The following RAB30 variants were observed in gnomAD, a reference collection of about 807,000 sequenced individuals.
RAB30 encodes the protein RAB30, member RAS oncogene family, also known as ras-related protein Rab-30.
A neutral mutation model predicts 25.1 loss-of-function variants in RAB30; 9 were observed. The observed-to-expected ratio is 0.36, with a 90% CI of 0.22 to 0.63. The LOEUF (loss-of-function observed/expected upper bound fraction) is 0.63, where lower values mean the gene tolerates loss of function less well. Among genes scored for constraint, RAB30 ranks in the 20% least tolerant of loss-of-function variants. RAB30 has a pLI of 0.69. For missense variants in RAB30, 140 were observed against 243.5 expected (o/e 0.58, Z 2.83); for synonymous variants, 77 against 86.4 (o/e 0.89, Z 0.60).
chr11:83,038,504 T>TTA (rs1043856478), intron 1 of RAB30, among the ~76,000 whole-genome samples: 1 of 152,070 alleles, frequency 6.6e-6, no homozygotes, highest in Non-Finnish European at 1.5e-5. Flanking sequence ...GACCAAAGCC[T>TTA]TATGCCTGAT....
chr11:83,009,212 C>A (rs1176714216), intron 1 of RAB30, among the ~76,000 whole-genome samples: 1 of 151,898 alleles, frequency 6.6e-6, no homozygotes, highest in Non-Finnish European at 1.5e-5. Context: ...ATTACAGGCA[C>A]CCGCCACCAT....
chr11:83,028,791 C>T (rs552267575), intron 1 of RAB30, among the ~76,000 whole-genome samples: 1 of 152,332 alleles, frequency 6.6e-6, no homozygotes, highest in Non-Finnish European at 1.5e-5. Flanking sequence ...GAAGCTCCTA[C>T]TTTGGGAGGC....
At chr11:83,064,686 C>G (rs1466922817) in intron 1 of RAB30, among the ~76,000 whole-genome samples, 3 of 152,174 alleles carry the variant, frequency 2.0e-5, no homozygotes, top group African/African-American at 7.2e-5. Flanking sequence ...CCTGAAGCAG[C>G]CCTTGATGTG....
At chr11:83,055,158 A>G (rs1858432614) in intron 1 of RAB30, among the ~76,000 whole-genome samples, 1 of 152,182 alleles carries the variant, frequency 6.6e-6, no homozygotes, top group Non-Finnish European at 1.5e-5. Flanking sequence ...TGTTAATTGG[A>G]GCTATTAATA....
At chr11:83,010,412 T>C (rs1329829344) in intron 1 of RAB30, among the ~76,000 whole-genome samples, 2 of 152,054 alleles carry the variant, frequency 1.3e-5, no homozygotes, top group Non-Finnish European at 2.9e-5. Context: ...GATCACGCCA[T>C]TGCACTCCAG....
At chr11:83,023,478 A>C (rs1224787837) in intron 1 of RAB30, among the ~76,000 whole-genome samples, 1 of 152,140 alleles carries the variant, frequency 6.6e-6, no homozygotes, top group Non-Finnish European at 1.5e-5. Context: ...TACCTGCTGA[A>C]TATTTATCAA....
At position 82,974,411 on chromosome 11, in the gene RAB30, G is replaced by C. The variant is rs564498081; in HGVS notation, c.*7754C>G. The C allele has an allele frequency of 2.0e-5, 3 of 152,104 alleles. No homozygotes were observed. Among genetic ancestry groups the C allele is most frequent in the African/African-American group, 7.2e-5 (3 of 41,480 alleles). 9.4% of individuals were successfully genotyped at this position (152,104 alleles called of 1,614,324 possible). Reference sequence around the variant, plus strand: ...CTAATTGGACTCGGGTCATCAGTGGGTTATATTTCTAACAGGCTTTTTGTT... The same window carrying C: ...CTAATTGGACTCGGGTCATCAGTGGCTTATATTTCTAACAGGCTTTTTGTT... On this transcript the variant is annotated 3_prime_UTR_variant, in exon 5 of 5. Coordinates refer to ENST00000527633, the MANE Select transcript of RAB30 (RefSeq NM_001286060.2).
chr11:83,040,389 C>T (rs531192306), intron 1 of RAB30, among the ~76,000 whole-genome samples: 41 of 151,982 alleles, frequency 2.7e-4, no homozygotes, highest in South Asian at 8.3e-4. Context: ...GTCAGGAGTT[C>T]GAGACTAGCC....
intron 1 of RAB30, among the ~76,000 whole-genome samples, chr11:83,019,760 A>T (rs1187333079): frequency 6.6e-6 from 1 of 152,220 alleles, no homozygotes; most frequent in Non-Finnish European, 1.5e-5. Context: ...TCAGTACGAA[A>T]TTCAATACAA....
intron 1 of RAB30, among the ~76,000 whole-genome samples, chr11:83,040,395 T>G (rs1191105474): frequency 2.0e-5 from 3 of 151,972 alleles, no homozygotes; most frequent in Admixed American, 2.0e-4. Context: ...AGTTCGAGAC[T>G]AGCCTGACCA....
rs568216419 is a variant in RAB30, at chr11:83,013,336, C to T, written c.-8-16012G>A. 1.4e-4 allele frequency among the ~76,000 whole-genome samples: 21 copies of T among 152,260 alleles called. 1 individual carries two copies. In the East Asian group the frequency reaches 4.1e-3, roughly 29 times the overall value. On this transcript the variant is annotated intron_variant, in intron 1 of 4. Coordinates refer to ENST00000527633, the MANE Select transcript of RAB30 (RefSeq NM_001286060.2). ...CTGACCTCAAGTGATTCACCTGCCTCGGCCTCCCAAAGTGCTGGGATTACA... is the reference window on the plus strand; with the variant it reads ...CTGACCTCAAGTGATTCACCTGCCTTGGCCTCCCAAAGTGCTGGGATTACA...
intron 3 of RAB30, among the ~76,000 whole-genome samples, chr11:82,990,229 C>G (rs888487997): frequency 5.9e-5 from 9 of 152,236 alleles, no homozygotes; most frequent in African/African-American, 1.9e-4. Context: ...GTACTGCAAT[C>G]ATTGGTTTAC....
intron 1 of RAB30, among the ~76,000 whole-genome samples, chr11:83,044,458 G>A (rs1209416992): frequency 6.6e-6 from 1 of 152,120 alleles, no homozygotes; most frequent in Non-Finnish European, 1.5e-5. Flanking sequence ...ATTCCACTTA[G>A]AGTGAATGGC....
intron 1 of RAB30, among the ~76,000 whole-genome samples, chr11:83,052,628 C>T (rs914136759): frequency 6.6e-6 from 1 of 152,216 alleles, no homozygotes; most frequent in Non-Finnish European, 1.5e-5. Flanking sequence ...CACAGGGGAA[C>T]ACGAGAGAAG....
chr11:82,994,214 T>C (rs1297799050), intron 2 of RAB30, 92 bp from the exon 3 acceptor site: 8 of 1,097,502 alleles, frequency 7.3e-6, no homozygotes, highest in Non-Finnish European at 1.1e-5. Context: ...ATCACCGGAG[T>C]CCTTCCTTCA....
intron 1 of RAB30, among the ~76,000 whole-genome samples, chr11:83,005,324 G>A (rs1857162601): frequency 1.3e-5 from 2 of 152,166 alleles, no homozygotes; most frequent in Non-Finnish European, 2.9e-5. Context: ...CCAGGTTCCT[G>A]GCCATTTGGA....
intron 1 of RAB30, among the ~76,000 whole-genome samples, chr11:83,039,536 G>A (rs1037287325): frequency 3.3e-5 from 5 of 152,036 alleles, no homozygotes; most frequent in African/African-American, 9.7e-5. Context: ...AAAATTAGTC[G>A]GCTGTGGTGG....
intron 1 of RAB30, among the ~76,000 whole-genome samples, chr11:83,045,084 A>G (rs1465188055): frequency 6.6e-6 from 1 of 152,218 alleles, no homozygotes; most frequent in African/African-American, 2.4e-5. Context: ...CTATCTCATG[A>G]AAGGACTAGC....
intron 1 of RAB30, among the ~76,000 whole-genome samples, chr11:83,037,237 A>C (rs1858006177): frequency 2.0e-5 from 3 of 152,170 alleles, no homozygotes; most frequent in African/African-American, 4.8e-5. Context: ...TACAATTTTA[A>C]AAAATAAAAA....
Sources: allele counts gnomAD v4.1 joint callset (sites outside exome capture counted in the v4.1 genomes callset), GRCh38; gene constraint gnomAD v4.1.1; transcripts MANE v1.5; gene names NCBI Gene and HGNC (gene_info 2026-07-23, HGNC 2026-07-21).